SLC8A1: variants seen among roughly 807,000 people sequenced by gnomAD.
SLC8A1 encodes the protein solute carrier family 8 member A1.
A neutral mutation model predicts 68.3 loss-of-function variants in SLC8A1; 18 were observed. That is an observed-to-expected ratio of 0.26 (90% CI 0.18 to 0.39). SLC8A1 has a LOEUF of 0.39. SLC8A1 is among the 10% of genes least tolerant of loss of function. SLC8A1 has a pLI of 1.00. For synonymous variants in SLC8A1, 475 were observed against 415.5 expected, an observed-to-expected ratio of 1.14 and a Z score of -1.74; for missense variants, 985 against 1,156.7, an observed-to-expected ratio of 0.85 and a Z score of 2.15.
chr2:40,221,395 G>A (rs1195474983), intron 2 of SLC8A1, among the ~76,000 whole-genome samples: 1 of 152,108 alleles, frequency 6.6e-6, no homozygotes, highest in Non-Finnish European at 1.5e-5. Context: ...AATAATAAGA[G>A]CTATCTATGA....
At chr2:40,346,047 T>TAAAAAAAAAAAAAAAAAAAAA (rs774555210) in intron 2 of SLC8A1, among the ~76,000 whole-genome samples, 2 of 41,696 alleles carry the variant, frequency 4.8e-5, no homozygotes, top group African/African-American at 9.9e-5. Flanking sequence ...ACATTAACAG[T>TAAAAAAAAAAAAAAAAAAAAA]AAAAAAAAAA....
At chr2:40,428,480 C>G (rs374611315) in exon 2 of SLC8A1, 1 of 1,586,872 alleles carries the variant, frequency 6.3e-7, no homozygotes, top group Non-Finnish European at 8.6e-7. Flanking sequence ...TACACAATTT[C>G]ATCATTCTGG....
chr2:40,381,427 C>T (rs1189633215), intron 2 of SLC8A1, among the ~76,000 whole-genome samples: 7 of 152,066 alleles, frequency 4.6e-5, no homozygotes, highest in Non-Finnish European at 1.0e-4. Context: ...CAACTCCTTT[C>T]TCTTCTCACA....
intron 1 of SLC8A1, among the ~76,000 whole-genome samples, chr2:40,469,606 T>C (rs1381213875): frequency 1.3e-5 from 2 of 152,188 alleles, no homozygotes; most frequent in African/African-American, 4.8e-5. Context: ...TTTATTTTTT[T>C]TGCAATTTAA....
chr2:40,495,737 G>A (rs935565513), intron 1 of SLC8A1, among the ~76,000 whole-genome samples: 1 of 152,066 alleles, frequency 6.6e-6, no homozygotes, highest in Non-Finnish European at 1.5e-5. Flanking sequence ...ATCAATGACT[G>A]AATTTACATG....
intron 2 of SLC8A1, among the ~76,000 whole-genome samples, chr2:40,418,994 C>T (rs1694716561): frequency 6.6e-6 from 1 of 152,134 alleles, no homozygotes; most frequent in African/African-American, 2.4e-5. Flanking sequence ...GAGAAGGAGG[C>T]CAAAGAAGGC....
chr2:40,238,595 G>A lies in SLC8A1; in HGVS notation c.1809-60740C>T, dbSNP rs556001700. Reference sequence around the variant, plus strand: ...TCGCTCACGCTGGGAGCTGTAGACCGGAGCTGTTCCTATTCGGCCATCTTG... The same window carrying A: ...TCGCTCACGCTGGGAGCTGTAGACCAGAGCTGTTCCTATTCGGCCATCTTG... On this transcript the variant is annotated intron_variant, in intron 2 of 7. Transcript: ENST00000406785. 6.9e-3 allele frequency among the ~76,000 whole-genome samples: 1,051 copies of A among 152,322 alleles called. 5 individuals are homozygous for A. The highest frequency in any genetic ancestry group is 0.01 in the Non-Finnish European group (701 of 68,036).
At chr2:40,451,724 CGCACACACCACA>C (rs1702524815) in intron 1 of SLC8A1, among the ~76,000 whole-genome samples, 168 bp downstream of exon 1, 1 of 145,976 alleles carries the variant, frequency 6.9e-6, no homozygotes, top group South Asian at 2.2e-4. Context: ...TGTGCAGGCG[CGCACACACCACA>C]TCACACACAC....
At chr2:40,409,632 T>C (rs1691478420) in intron 2 of SLC8A1, among the ~76,000 whole-genome samples, 2 of 149,834 alleles carry the variant, frequency 1.3e-5, no homozygotes, top group Non-Finnish European at 2.9e-5. Context: ...GTGTTGGAGG[T>C]GGTGGCATAT....
chr2:40,361,488 A>T (rs897218044), intron 2 of SLC8A1, among the ~76,000 whole-genome samples: 2 of 150,692 alleles, frequency 1.3e-5, no homozygotes, highest in African/African-American at 4.9e-5. Flanking sequence ...GTTTTGGAAT[A>T]GTCTTAATAT....
At chr2:40,510,655 C>G (rs1706662122) in intron 1 of SLC8A1, among the ~76,000 whole-genome samples, 1 of 152,076 alleles carries the variant, frequency 6.6e-6, no homozygotes, top group African/African-American at 2.4e-5. Context: ...GTTATGACAG[C>G]TTGTCTCTGT....
intron 2 of SLC8A1, among the ~76,000 whole-genome samples, chr2:40,186,709 G>A (rs1298636866): frequency 1.3e-5 from 2 of 152,152 alleles, no homozygotes; most frequent in Non-Finnish European, 2.9e-5. Flanking sequence ...ACCCAGGTTT[G>A]TAACTTGGCT....
intron 2 of SLC8A1, among the ~76,000 whole-genome samples, chr2:40,286,084 G>A (rs1654123988): frequency 6.6e-6 from 1 of 152,162 alleles, no homozygotes; most frequent in South Asian, 2.1e-4. Context: ...AGTACCCAGT[G>A]CCTAGAATAG....
rs2054046944 is a variant in SLC8A1, at chr2:40,200,240, ATATATATAT to A, written c.1809-22394_1809-22386del. ...TATATTTTTTTATATATATATATAAATATATATATATATATATATATATATATAACCTCT... is the reference window on the plus strand; with the variant it reads ...TATATTTTTTTATATATATATATAAAATATATATATATATATATAACCTCT... On this transcript the variant is annotated intron_variant, in intron 2 of 7. Transcript: ENST00000406785. Among the ~76,000 whole-genome samples, 4 of 11,454 alleles carry A rather than the reference ATATATATAT, an allele frequency of 3.5e-4. 2 individuals carry two copies. Among genetic ancestry groups the A allele is most frequent in the Non-Finnish European group, 9.9e-4 (4 of 4,036 alleles). The allele number at this position is 11,454 out of a possible 152,430, so 7.5% of individuals were successfully genotyped here.
At chr2:40,468,934 T>G (rs1163726103) in intron 1 of SLC8A1, among the ~76,000 whole-genome samples, 1 of 151,878 alleles carries the variant, frequency 6.6e-6, no homozygotes, top group Non-Finnish European at 1.5e-5. Flanking sequence ...ATAAAGAAAA[T>G]CAAAAATCAA....
chr2:40,510,941 A>G (rs1706684581), intron 1 of SLC8A1, among the ~76,000 whole-genome samples: 1 of 152,164 alleles, frequency 6.6e-6, no homozygotes, highest in Non-Finnish European at 1.5e-5. Flanking sequence ...GGACATTCAG[A>G]GCTTGAAAGA....
At chr2:40,205,816 GAAAAA>G (rs199504864) in intron 2 of SLC8A1, among the ~76,000 whole-genome samples, 3 of 128,866 alleles carry the variant, frequency 2.3e-5, no homozygotes, top group African/African-American at 9.5e-5. Flanking sequence ...AAAATATCTT[GAAAAA>G]AAAAAAAAAA....
At chr2:40,418,397 T>C (rs1031629764) in intron 2 of SLC8A1, among the ~76,000 whole-genome samples, 1 of 152,196 alleles carries the variant, frequency 6.6e-6, no homozygotes, top group African/African-American at 2.4e-5. Flanking sequence ...CTTTGCATAA[T>C]ACAACAGCTC....
intron 2 of SLC8A1, among the ~76,000 whole-genome samples, chr2:40,215,706 G>A (rs1396438741): frequency 1.3e-5 from 2 of 150,776 alleles, no homozygotes; most frequent in African/African-American, 4.9e-5. Flanking sequence ...TTGTTGCCCA[G>A]GCTGGTCTTG....
Sources: allele counts gnomAD v4.1 joint callset (sites outside exome capture counted in the v4.1 genomes callset), GRCh38; gene constraint gnomAD v4.1.1; transcripts MANE v1.5; gene names NCBI Gene and HGNC (gene_info 2026-07-23, HGNC 2026-07-21).